CNTRL: variants seen among roughly 807,000 people sequenced by gnomAD.
The protein encoded by CNTRL is 110 kDa centrosomal protein.
Under a neutral mutation model 303.7 loss-of-function variants are expected in CNTRL, and 233 were observed. The observed-to-expected ratio is 0.77, with a 90% confidence interval of 0.69 to 0.86. The LOEUF (loss-of-function observed/expected upper bound fraction) is 0.86. Ranked by LOEUF, CNTRL falls within the 40% of genes least tolerant of loss-of-function variation. CNTRL has a pLI of 0.00. For synonymous variants in CNTRL, 900 were observed against 922.2 expected, an observed-to-expected ratio of 0.98 and a Z score of 0.44; for missense variants, 2,524 against 2,650.6, an observed-to-expected ratio of 0.95 and a Z score of 1.05.
At chr9:121,172,203 AG>A (rs754934638) in intron 40 of CNTRL, among the ~76,000 whole-genome samples, 21 of 152,376 alleles carry the variant, frequency 1.4e-4, no homozygotes, top group Non-Finnish European at 2.9e-4. Flanking sequence ...AATTATTTAA[AG>A]ACCACAAGCC....
intron 43 of CNTRL, among the ~76,000 whole-genome samples, chr9:121,176,185 A>G (rs1488666888): frequency 6.6e-6 from 1 of 152,234 alleles, no homozygotes; most frequent in Non-Finnish European, 1.5e-5. Flanking sequence ...TTATATAGAT[A>G]AGGAATCTGT....
chr9:121,118,702 C>A, intron 12 of CNTRL, 162 bp downstream of exon 12: 1 of 470,588 alleles, frequency 2.1e-6, no homozygotes, highest in South Asian at 5.8e-5. Context: ...ATGGGTTCTG[C>A]ATCTGTGGAT....
At chr9:121,158,467 A>G (rs1372589112) in intron 30 of CNTRL, 1 of 231,096 alleles carries the variant, frequency 4.3e-6, no homozygotes, top group African/African-American at 2.3e-5. Context: ...TTTGTAAACA[A>G]ATACGTATTG....
At position 121,169,696 on chromosome 9, in the gene CNTRL, G is replaced by A; in HGVS notation, c.6156G>A (p.Arg2052=). The A allele has an allele frequency of 1.2e-6, 2 of 1,614,172 alleles. No individual in the cohort carries two copies. Among genetic ancestry groups the A allele is most frequent in the Non-Finnish European group, 1.7e-6 (2 of 1,180,036 alleles). The part of the protein sequence containing the change: ...LALQKEADSM[R]ADFSLLRNQF... ...TCCAGAAAGAGGCAGATTCTATGAG[G>A]GCAGACTTCAGCCTTCTGCGGAACC... is the stretch of plus-strand genomic sequence containing the variant. Residue 2052 remains arginine (R), a synonymous_variant, in exon 39 of 44, where the codon AGG becomes AGA. Transcript: ENST00000373855.
chr9:121,161,771 C>T (rs1588309703), intron 32 of CNTRL, 85 bp from the exon 33 acceptor site: 1 of 993,160 alleles, frequency 1.0e-6, no homozygotes, highest in Non-Finnish European at 1.5e-6. Flanking sequence ...TTGTATTAGT[C>T]AATAGCATTG....
rs767836751 is a variant in CNTRL, at chr9:121,090,290, C to T, written c.233C>T (p.Ala78Val). 11 of 1,601,526 alleles carry T rather than the reference C, an allele frequency of 6.9e-6. No individual in the cohort carries two copies. In the Admixed American group the frequency reaches 1.2e-4, roughly 18 times the overall value. ...YQDHKGADSHAGVRYITEALI... is the reference protein window; with the variant it reads ...YQDHKGADSHVGVRYITEALI... ...ATAATTTCAGGAGCTGATTCACATG[C>T]AGGAGTTAGATATATTACAGAGGCC... The change falls in exon 4 of 44, where the codon GCA becomes GTA. Residue 78 changes from alanine to valine, a missense_variant. By Grantham distance (64) the Ala-to-Val change is moderately conservative (BLOSUM62 0). Coordinates refer to ENST00000373855, the MANE Select transcript of CNTRL (RefSeq NM_007018.6).
chr9:121,150,856 A>G (rs1470432131), intron 25 of CNTRL, among the ~76,000 whole-genome samples: 3 of 152,228 alleles, frequency 2.0e-5, no homozygotes, highest in Non-Finnish European at 4.4e-5. Flanking sequence ...CAGTCCAGAA[A>G]TTTACCGTTT....
At chr9:121,102,582 C>T (rs1262484685) in intron 7 of CNTRL, among the ~76,000 whole-genome samples, 1 of 152,164 alleles carries the variant, frequency 6.6e-6, no homozygotes, top group Non-Finnish European at 1.5e-5. Context: ...AAAGGATGTT[C>T]ACTTAGGAAA....
At chr9:121,148,534 GA>G in intron 23 of CNTRL, 137 bp from the exon 24 acceptor site, 1 of 733,658 alleles carries the variant, frequency 1.4e-6, no homozygotes, top group Non-Finnish European at 2.2e-6. Flanking sequence ...TCACTTCTGT[GA>G]AAAATAAGGA....
At chr9:121,167,341 T>C (rs2053136578) in intron 36 of CNTRL, 148 bp from the exon 37 acceptor site, 4 of 666,528 alleles carry the variant, frequency 6.0e-6, no homozygotes, top group Non-Finnish European at 1.0e-5. Flanking sequence ...ATCTAAATTC[T>C]CTTGTACCTG....
At chr9:121,113,416 T>C in intron 9 of CNTRL, 86 bp from the exon 10 acceptor site, 1 of 649,680 alleles carries the variant, frequency 1.5e-6, no homozygotes. Flanking sequence ...AATTCTGTGA[T>C]ATGTTTGCCA....
intron 3 of CNTRL, among the ~76,000 whole-genome samples, chr9:121,089,557 G>T (rs2048475026): frequency 6.6e-6 from 1 of 152,014 alleles, no homozygotes; most frequent in South Asian, 2.1e-4. Context: ...AATATGTTGT[G>T]ATTTTCTCTA....
intron 15 of CNTRL, 25 bp from the exon 16 acceptor site, chr9:121,138,520 A>T: frequency 6.2e-7 from 1 of 1,605,564 alleles, no homozygotes; most frequent in Non-Finnish European, 8.5e-7. Flanking sequence ...TTACACTTTC[A>T]TGTCATTGCT....
At chr9:121,141,272 C>G (rs934540533) in intron 17 of CNTRL, 109 bp from the exon 18 acceptor site, 3 of 810,520 alleles carry the variant, frequency 3.7e-6, no homozygotes, top group Non-Finnish European at 5.9e-6. Context: ...AGATTGACAC[C>G]AGTCCCTGCA....
chr9:121,078,557 G>A (rs1318288559), intron 1 of CNTRL, among the ~76,000 whole-genome samples: 1 of 152,308 alleles, frequency 6.6e-6, no homozygotes, highest in South Asian at 2.1e-4. Context: ...CTGTCCTCTA[G>A]TTCAGTTCAA....
intron 2 of CNTRL, among the ~76,000 whole-genome samples, chr9:121,087,548 G>A (rs532266821): frequency 1.3e-4 from 20 of 152,176 alleles, no homozygotes; most frequent in African/African-American, 4.1e-4. Flanking sequence ...AAAATTAGCC[G>A]GGCATGGTGA....
Position 121,173,372 on chromosome 9 carries a change from C to T in CNTRL, c.6547C>T (p.Pro2183Ser), listed in dbSNP as rs374425853. 1 of 1,614,106 alleles carries T rather than the reference C, an allele frequency of 6.2e-7. No individual in the cohort carries two copies. Among genetic ancestry groups the T allele is most frequent in the Non-Finnish European group, 8.5e-7 (1 of 1,180,024 alleles). ...TCTTAATCAGTTTCTTCCAGAACTA[C>T]CAGCAGATCTAGAAGCTATTTTGGA... The part of the protein sequence containing the change: ...KNLNQFLPEL[P>S]ADLEAILERN... The change falls in exon 41 of 44, where the codon CCA (proline) becomes TCA (serine). Residue 2183 changes from proline to serine, a missense_variant. Pro to Ser is a moderately conservative substitution (Grantham distance 74). Transcript: ENST00000373855.
intron 6 of CNTRL, among the ~76,000 whole-genome samples, chr9:121,097,056 A>G (rs1162850386): frequency 1.3e-5 from 2 of 151,970 alleles, no homozygotes; most frequent in African/African-American, 2.4e-5. Context: ...GAGGTTGATC[A>G]CTAGCTTTTC....
At position 121,142,258 on chromosome 9, in the gene CNTRL, G is replaced by C. The variant is rs768569221; in HGVS notation, c.2859G>C (p.Glu953Asp). The C allele has an allele frequency of 7.5e-6, 12 of 1,599,202 alleles. No individual in the cohort carries two copies. In the Admixed American group the frequency reaches 2.2e-4, roughly 29 times the overall value. The part of the protein sequence containing the change: ...EKERILAQLR[E>D]LEKKKKLEDA... ...AGAGAATTCTGGCCCAACTCCGAGA[G>C]TTAGAGAAAAAGGTAGGGGAGACTT... The change falls in exon 19 of 44, where the codon GAG (glutamate) becomes GAC (aspartate). Residue 953 changes from glutamate (E) to aspartate (D), a missense_variant. Transcript: ENST00000373855.
Sources: gnomAD v4.1 joint callset for allele counts (sites outside exome capture counted in the v4.1 genomes callset) on GRCh38, gnomAD v4.1.1 for gene constraint, MANE v1.5 for transcripts, NCBI Gene and HGNC (gene_info 2026-07-23, HGNC 2026-07-21) for gene names.